Variants in SMARCA2 observed in about 807,000 individuals in gnomAD.
The protein encoded by SMARCA2 is SWI/SNF-related matrix-associated actin-dependent regulator of chromatin subfamily A member 2.
SMARCA2 carries 61 observed loss-of-function variants against 199.8 expected under a neutral mutation model. The observed-to-expected ratio is 0.31, with a 90% CI of 0.25 to 0.38. The LOEUF (loss-of-function observed/expected upper bound fraction) is 0.38, where lower values mean the gene tolerates loss of function less well. Among genes scored for constraint, SMARCA2 ranks in the 10% least tolerant of loss-of-function variants. The pLI is 1.00. For synonymous variants in SMARCA2, 935 were observed against 732.0 expected (o/e 1.28, Z -4.48); for missense variants, 1,344 against 2,012.2 (o/e 0.67, Z 6.35).
At chr9:2,094,402 C>T (rs1822184571) in intron 19 of SMARCA2, among the ~76,000 whole-genome samples, 1 of 152,210 alleles carries the variant, frequency 6.6e-6, no homozygotes, top group African/African-American at 2.4e-5. Context: ...ACTCCTTCAC[C>T]TCCAGCCCTT....
At chr9:2,118,393 C>T (rs1269310038) in intron 25 of SMARCA2, among the ~76,000 whole-genome samples, 1 of 152,166 alleles carries the variant, frequency 6.6e-6, no homozygotes, top group Non-Finnish European at 1.5e-5. Context: ...TAAGTTCCTG[C>T]AGTGCGAAAG....
chr9:2,133,406 T>G (rs1246996364), intron 27 of SMARCA2, among the ~76,000 whole-genome samples: 1 of 151,974 alleles, frequency 6.6e-6, no homozygotes, highest in Non-Finnish European at 1.5e-5. Flanking sequence ...CTCAGCCTTT[T>G]GAGTAGCTGA....
rs34959070 is a variant in SMARCA2, at chr9:2,172,238, G to GAA, written c.4253+1775_4253+1776dup. ...AGGCTCTTTGTAAGTACTGAAAATG[G>GAA]AAAAAAAAAATGAATTAAATGGAGT... is the stretch of plus-strand genomic sequence containing the variant. On this transcript the variant is annotated intron_variant, in intron 29 of 33. Transcript: ENST00000349721. 2.2e-3 allele frequency among the ~76,000 whole-genome samples: 329 copies of GAA among 150,046 alleles called. 8 individuals carry two copies. The East Asian group carries it at 0.045, about 20-fold the overall frequency.
At chr9:2,024,745 T>C (rs764028664) in intron 1 of SMARCA2, among the ~76,000 whole-genome samples, 24 of 152,220 alleles carry the variant, frequency 1.6e-4, no homozygotes, top group Admixed American at 8.5e-4. Flanking sequence ...TAGCTCAGTG[T>C]TGGGCTGGGA....
In SMARCA2 at chr9:2,073,613, A is replaced by G. The variant is rs759815639; in HGVS notation, c.1925A>G (p.Tyr642Cys). Reference protein sequence around the residue: ...RSDSEESDSDYEEEDEEEESS... With the variant: ...RSDSEESDSDCEEEDEEEESS... ...GACAGTGAAGAGAGTGATTCTGATTATGAGGAAGAGGTATGTATGTATCTC... is the reference window on the plus strand; with the variant it reads ...GACAGTGAAGAGAGTGATTCTGATTGTGAGGAAGAGGTATGTATGTATCTC... Residue 642 changes from tyrosine (Y) to cysteine (C), a missense_variant, in exon 12 of 34, where the codon TAT becomes TGT. By Grantham distance (194) the Tyr-to-Cys change is radical. Transcript: ENST00000349721. 2.5e-6 allele frequency: 4 copies of G among 1,609,182 alleles called. No individual in the cohort carries two copies. Among genetic ancestry groups the G allele is most frequent in the Non-Finnish European group, 3.4e-6 (4 of 1,175,718 alleles).
At chr9:2,058,812 C>G (rs2130353965) in intron 8 of SMARCA2, among the ~76,000 whole-genome samples, 1 of 152,236 alleles carries the variant, frequency 6.6e-6, no homozygotes, top group East Asian at 1.9e-4. Flanking sequence ...AAAATATGGC[C>G]TCTTTGAGAT....
intron 2 of SMARCA2, among the ~76,000 whole-genome samples, chr9:2,031,551 GT>G (rs767697710): frequency 1.3e-5 from 2 of 152,160 alleles, no homozygotes; most frequent in Admixed American, 6.5e-5. Flanking sequence ...TCAGTGTTAT[GT>G]TTTTCTCCTG....
chr9:2,025,347 C>T (rs193299615), intron 1 of SMARCA2, among the ~76,000 whole-genome samples: 1 of 152,176 alleles, frequency 6.6e-6, no homozygotes, highest in East Asian at 1.9e-4. Flanking sequence ...CCCCCTCTCC[C>T]CAGATACATT....
intron 12 of SMARCA2, 129 bp from the exon 13 acceptor site, chr9:2,076,100 C>T: frequency 1.6e-6 from 1 of 627,256 alleles, no homozygotes; most frequent in South Asian, 2.0e-5. Flanking sequence ...CATTTACTTC[C>T]TCCCTGAATT....
rs1171788851 is a variant in SMARCA2 at position 2,193,068 on chromosome 9, A to T, written c.*329A>T. Reference sequence around the variant, plus strand: ...TAACGGTTTGATTGTGCCTGGTTTTATCACCTGTTCAGATGAGAAGATTTT... The same window carrying T: ...TAACGGTTTGATTGTGCCTGGTTTTTTCACCTGTTCAGATGAGAAGATTTT... On this transcript the variant is annotated 3_prime_UTR_variant, in exon 34 of 34. Coordinates refer to ENST00000349721, the MANE Select transcript of SMARCA2 (RefSeq NM_003070.5). 1 of 253,058 alleles carries T rather than the reference A, an allele frequency of 4.0e-6. No homozygotes were observed. Among genetic ancestry groups the T allele is most frequent in the Non-Finnish European group, 7.4e-6 (1 of 134,296 alleles). 15.7% of individuals were successfully genotyped at this position (253,058 alleles called of 1,614,324 possible).
intron 13 of SMARCA2, among the ~76,000 whole-genome samples, chr9:2,076,880 G>C (rs890113717): frequency 2.0e-5 from 3 of 151,912 alleles, no homozygotes; most frequent in Admixed American, 1.3e-4. Context: ...CTACGTCAAG[G>C]GTTTGCACAT....
At position 2,082,026 on chromosome 9, in the gene SMARCA2, G is replaced by A. The variant is rs191023512; in HGVS notation, c.2348+31G>A. ...TAAAGTCATTTATTCCACAGTCATC[G>A]TTCTGTATGTTGTAGAGTGCCCGAT... is the stretch of plus-strand genomic sequence containing the variant. On this transcript the variant is annotated intron_variant, in intron 15 of 33. Coordinates refer to ENST00000349721, the MANE Select transcript of SMARCA2 (RefSeq NM_003070.5). 2.5e-3 allele frequency: 4,059 copies of A among 1,593,762 alleles called. 14 individuals are homozygous for A. Among genetic ancestry groups the A allele is most frequent in the Non-Finnish European group, 3.2e-3 (3,788 of 1,165,822 alleles).
intron 31 of SMARCA2, among the ~76,000 whole-genome samples, chr9:2,185,038 A>T (rs1036974207): frequency 6.6e-6 from 1 of 152,206 alleles, no homozygotes; most frequent in Non-Finnish European, 1.5e-5. Flanking sequence ...AAACACTGTG[A>T]TTAAGAGACA....
In SMARCA2 at chr9:2,129,430, C is replaced by G. The variant is rs117160544; in HGVS notation, c.3981+5493C>G. 2.3e-3 allele frequency among the ~76,000 whole-genome samples: 349 copies of G among 152,128 alleles called. 9 individuals carry two copies. The East Asian group carries it at 0.057, about 25-fold the overall frequency. On this transcript the variant is annotated intron_variant, in intron 27 of 33. Coordinates refer to ENST00000349721, the MANE Select transcript of SMARCA2 (RefSeq NM_003070.5). ...GAGACTCCATCTCGAAAAAAGGGGA[C>G]TAGCCAAATGAATGGAAGCACAGCA...
At chr9:2,188,541 T>G (rs1165165574) in intron 32 of SMARCA2, among the ~76,000 whole-genome samples, 1 of 152,216 alleles carries the variant, frequency 6.6e-6, no homozygotes, top group Non-Finnish European at 1.5e-5. Context: ...TAGCTATATA[T>G]TTCATTATTT....
intron 4 of SMARCA2, 53 bp from the exon 5 acceptor site, chr9:2,047,176 G>A: frequency 3.0e-6 from 3 of 1,014,808 alleles, no homozygotes; most frequent in Non-Finnish European, 3.5e-6. Context: ...GGCCGGGTGT[G>A]GCCCGCGGGG....
At position 2,077,895 on chromosome 9, in the gene SMARCA2, A is replaced by T. The variant is rs532766362; in HGVS notation, c.2184+119A>T. 1.2e-5 allele frequency: 10 copies of T among 840,446 alleles called. No individual in the cohort carries two copies. In the African/African-American group the frequency reaches 1.2e-4, roughly 10 times the overall value. The allele number at this position is 840,446 out of a possible 1,614,324, so 52.1% of individuals were successfully genotyped here. A position where few individuals can be genotyped will look rare whatever the true frequency, so the allele number is the denominator to read the frequency against. The stretch of plus-strand genomic sequence containing the variant: ...GATGATATTTTAGGCCACATCACTT[A>T]TAATACTGAGGTTCCTTTCATTGTG... On this transcript the variant is annotated intron_variant, in intron 14 of 33. Coordinates refer to ENST00000349721, the MANE Select transcript of SMARCA2 (RefSeq NM_003070.5).
intron 4 of SMARCA2, chr9:2,041,486 A>G: frequency 2.5e-6 from 1 of 398,396 alleles, no homozygotes; most frequent in Non-Finnish European, 4.4e-6. Flanking sequence ...AAGGGCATGA[A>G]TCCCAATTAT....
chr9:2,146,348 A>G (rs75348153), intron 27 of SMARCA2, among the ~76,000 whole-genome samples: 2,371 of 152,274 alleles, frequency 0.016, 71 homozygotes, highest in African/African-American at 0.054. Flanking sequence ...GGAGGACACA[A>G]TCATTTAGTC....
Sources: allele counts gnomAD v4.1 joint callset (sites outside exome capture counted in the v4.1 genomes callset), GRCh38; gene constraint gnomAD v4.1.1; transcripts MANE v1.5; gene names NCBI Gene and HGNC (gene_info 2026-07-23, HGNC 2026-07-21).